The following SLC2A13 variants were observed in gnomAD, a reference collection of about 807,000 sequenced individuals.
SLC2A13 encodes the protein proton myo-inositol cotransporter.
In SLC2A13, 32 loss-of-function variants were observed where a neutral mutation model predicts 64.4. That is an observed-to-expected ratio of 0.50 (90% CI 0.37 to 0.67). The LOEUF (loss-of-function observed/expected upper bound fraction) is 0.67, where lower values mean the gene tolerates loss of function less well. Ranked by LOEUF, SLC2A13 falls within the 30% of genes least tolerant of loss-of-function variation. The pLI, the probability that SLC2A13 is intolerant of heterozygous loss-of-function variation, is 0.00. For synonymous variants in SLC2A13, 338 were observed against 327.1 expected, an observed-to-expected ratio of 1.03 and a Z score of -0.36; for missense variants, 743 against 829.2, an observed-to-expected ratio of 0.90 and a Z score of 1.28.
At chr12:39,992,247 G>A (rs775866324) in intron 3 of SLC2A13, among the ~76,000 whole-genome samples, 3 of 152,058 alleles carry the variant, frequency 2.0e-5, no homozygotes, top group Non-Finnish European at 4.4e-5. Flanking sequence ...TCTAAAGAGA[G>A]CACACACATG....
chr12:40,103,267 T>G (rs1400604478), intron 1 of SLC2A13, among the ~76,000 whole-genome samples: 1 of 152,204 alleles, frequency 6.6e-6, no homozygotes, highest in South Asian at 2.1e-4. Flanking sequence ...ATTTTGCCCC[T>G]TGCTTAGAAC....
chr12:39,805,923 G>C (rs1292549434), intron 7 of SLC2A13, among the ~76,000 whole-genome samples: 1 of 152,112 alleles, frequency 6.6e-6, no homozygotes, highest in Non-Finnish European at 1.5e-5. Flanking sequence ...ACAGGTAATT[G>C]AATCTAACAG....
chr12:39,988,083 A>G (rs1019334540), intron 3 of SLC2A13, among the ~76,000 whole-genome samples: 1 of 152,170 alleles, frequency 6.6e-6, no homozygotes, highest in African/African-American at 2.4e-5. Flanking sequence ...CAATATTGCA[A>G]GGAACAATCT....
intron 3 of SLC2A13, among the ~76,000 whole-genome samples, chr12:39,981,397 T>A (rs1359037001): frequency 1.3e-4 from 20 of 151,824 alleles, no homozygotes; most frequent in Admixed American, 1.3e-3. Flanking sequence ...GCTGGTTTTT[T>A]GAAAGGATCA....
rs73092257 is a variant in SLC2A13, at chr12:39,936,036, C to T, written c.1034+15221G>A. On this transcript the variant is annotated intron_variant, in intron 4 of 9. Transcript: ENST00000280871. ...AAAGATGGGCAAAAGCCACAAAGGG[C>T]CCTGGACTTTGAACTTCGCTGAAAG... Among the ~76,000 whole-genome samples, 1,362 of 152,290 alleles carry T rather than the reference C, an allele frequency of 8.9e-3. 23 individuals carry two copies. The highest frequency in any genetic ancestry group is 0.028 in the African/African-American group (1,178 of 41,562).
At chr12:39,978,860 T>C (rs1310509229) in intron 3 of SLC2A13, among the ~76,000 whole-genome samples, 1 of 151,428 alleles carries the variant, frequency 6.6e-6, no homozygotes, top group Non-Finnish European at 1.5e-5. Flanking sequence ...AGGCTCCACC[T>C]CTGGGGGCAG....
intron 3 of SLC2A13, among the ~76,000 whole-genome samples, chr12:39,980,907 T>A (rs1297465764): frequency 1.3e-5 from 2 of 151,774 alleles, no homozygotes; most frequent in African/African-American, 4.8e-5. Flanking sequence ...ATTCCAAAAT[T>A]GACCACATAG....
At chr12:39,872,984 A>G (rs892841675) in intron 4 of SLC2A13, among the ~76,000 whole-genome samples, 1 of 152,210 alleles carries the variant, frequency 6.6e-6, no homozygotes, top group East Asian at 1.9e-4. Flanking sequence ...ATATTTATCA[A>G]TACCTTCATA....
At chr12:39,971,997 A>AAATATATATAT (rs1375405006) in intron 3 of SLC2A13, among the ~76,000 whole-genome samples, 1 of 77,380 alleles carries the variant, frequency 1.3e-5, no homozygotes, top group African/African-American at 4.8e-5. Context: ...AAAAAAAAAA[A>AAATATATATAT]ATATATATAT....
At chr12:39,803,537 C>T (rs1941873960) in intron 7 of SLC2A13, among the ~76,000 whole-genome samples, 1 of 152,036 alleles carries the variant, frequency 6.6e-6, no homozygotes, top group Non-Finnish European at 1.5e-5. Flanking sequence ...AATGTAACTT[C>T]TTGAAAAAAT....
rs556518959 is a variant in SLC2A13 at position 39,997,434 on chromosome 12, T to G, written c.925+30867A>C. 3.9e-5 allele frequency among the ~76,000 whole-genome samples: 6 copies of G among 152,168 alleles called. No individual in the cohort carries two copies. The East Asian group carries it at 1.2e-3, about 29-fold the overall frequency. ...CTAAGACAATTCTCAAAAGAAGATC[T>G]ACAAATGGCCAACACACATATGAAA... On this transcript the variant is annotated intron_variant, in intron 3 of 9. Coordinates refer to ENST00000280871, the MANE Select transcript of SLC2A13 (RefSeq NM_052885.4).
At position 39,830,423 on chromosome 12, in the gene SLC2A13, T is replaced by C. The variant is rs1592180675; in HGVS notation, c.1320-195A>G. On this transcript the variant is annotated intron_variant, in intron 6 of 9. Coordinates refer to ENST00000280871, the MANE Select transcript of SLC2A13 (RefSeq NM_052885.4). Reference sequence around the variant, plus strand: ...GCTGGTCTCTTCGATTTCTCCCTCTTTTGGCCACAGCAACTTTGGAAGTCA... The same window carrying C: ...GCTGGTCTCTTCGATTTCTCCCTCTCTTGGCCACAGCAACTTTGGAAGTCA... 2.3e-6 allele frequency: 3 copies of C among 1,297,066 alleles called. No individual in the cohort carries two copies. The South Asian group carries it at 6.4e-5, about 28-fold the overall frequency. 80.3% of individuals were successfully genotyped at this position (1,297,066 alleles called of 1,614,324 possible).
chr12:39,897,892 A>C (rs780597155), intron 4 of SLC2A13, among the ~76,000 whole-genome samples: 2 of 149,590 alleles, frequency 1.3e-5, no homozygotes, highest in East Asian at 3.9e-4. Context: ...TACAATATAT[A>C]AGACATTTTT....
chr12:39,941,120 CATATATAT>C (rs56394315), intron 4 of SLC2A13, among the ~76,000 whole-genome samples: 78,032 of 149,564 alleles, frequency 0.52, 22,468 homozygotes, highest in Non-Finnish European at 0.65. Context: ...AGTATTCCAT[CATATATAT>C]ATATATATAT....
intron 4 of SLC2A13, among the ~76,000 whole-genome samples, chr12:39,898,848 A>G (rs953717532): frequency 5.9e-5 from 9 of 152,194 alleles, no homozygotes; most frequent in African/African-American, 2.2e-4. Context: ...ATGTTTAAAT[A>G]GGATATTTAG....
In SLC2A13 at chr12:40,070,517, T is replaced by C. The variant is rs185474499; in HGVS notation, c.557-22307A>G. On this transcript the variant is annotated intron_variant, in intron 1 of 9. Coordinates refer to ENST00000280871, the MANE Select transcript of SLC2A13 (RefSeq NM_052885.4). ...GCATTCTGGTCCTTTCTCAAGTCTA[T>C]TTTAGGTTGGGTTAATGGAAATAAT... 3.4e-4 allele frequency among the ~76,000 whole-genome samples: 51 copies of C among 152,234 alleles called. No homozygotes were observed. In the East Asian group the frequency reaches 6.2e-3, roughly 18 times the overall value.
intron 6 of SLC2A13, among the ~76,000 whole-genome samples, chr12:39,857,307 G>A (rs1943633231): frequency 6.6e-6 from 1 of 152,182 alleles, no homozygotes; most frequent in Admixed American, 6.5e-5. Context: ...TAACTTGAGA[G>A]CAAAGGAAAG....
Position 40,042,998 on chromosome 12 carries a change from G to T in SLC2A13, c.716+5053C>A, listed in dbSNP as rs145152872. ...AAAAACTAGAAACATGACAAAGCAAGATATGGTTGGTTTATAAGCTTGGGT... is the reference window on the plus strand; with the variant it reads ...AAAAACTAGAAACATGACAAAGCAATATATGGTTGGTTTATAAGCTTGGGT... On this transcript the variant is annotated intron_variant, in intron 2 of 9. Coordinates refer to ENST00000280871, the MANE Select transcript of SLC2A13 (RefSeq NM_052885.4). Among the ~76,000 whole-genome samples the T allele has an allele frequency of 5.4e-5, 8 of 147,728 alleles. No homozygotes were observed. The East Asian group carries it at 1.6e-3, about 29-fold the overall frequency.
rs1300756708 is a variant in SLC2A13 at position 40,105,276 on chromosome 12, C to T, written c.533G>A (p.Arg178His). Residue 178 changes from arginine (R) to histidine (H), a missense_variant, in exon 1 of 10, where the codon CGC (arginine) becomes CAC (histidine). This residue lies in a region of SLC2A13 where 448 missense variants were observed against 447.4 expected (regional missense o/e 1.00). Coordinates refer to ENST00000280871, the MANE Select transcript of SLC2A13 (RefSeq NM_052885.4). This position sits in a 1 kb window ranked among gnomAD's most constrained non-coding sequence, Gnocchi z 4.2. ...ANNKETLLAG[R>H]LVVGLGIGIA... ...ACCGATGCCGAGTCCCACGACCAGGCGGCCGGCGAGCAGTGTCTCCTTGTT... is the reference window on the plus strand; with the variant it reads ...ACCGATGCCGAGTCCCACGACCAGGTGGCCGGCGAGCAGTGTCTCCTTGTT... The T allele has an allele frequency of 1.9e-6, 3 of 1,596,332 alleles. No homozygotes were observed. Among genetic ancestry groups the T allele is most frequent in the African/African-American group, 2.7e-5 (2 of 73,550 alleles).
Sources: gnomAD v4.1 joint callset for allele counts (sites outside exome capture counted in the v4.1 genomes callset) on GRCh38, gnomAD v4.1.1 for gene constraint, gnomAD v4.1.1 regional missense constraint, Gnocchi (gnomAD v3.1) non-coding constraint, MANE v1.5 for transcripts, NCBI Gene and HGNC (gene_info 2026-07-23, HGNC 2026-07-21) for gene names.